Variants in LRRC7 observed in about 807,000 individuals in gnomAD.
The protein encoded by LRRC7 is leucine rich repeat containing 7.
LRRC7 carries 23 observed loss-of-function variants against 175.7 expected under a neutral mutation model. That is an observed-to-expected ratio of 0.13 (90% CI 0.09 to 0.19). LRRC7 has a LOEUF of 0.19. LRRC7 is among the 10% of genes least tolerant of loss of function. LRRC7 has a pLI of 1.00. For synonymous variants in LRRC7, 685 were observed against 680.9 expected (o/e 1.01, Z -0.09); for missense variants, 1,354 against 1,904.7 (o/e 0.71, Z 5.38).
chr1:69,704,012 C>T (rs527299694), intron 2 of LRRC7, among the ~76,000 whole-genome samples: 17 of 152,022 alleles, frequency 1.1e-4, no homozygotes, highest in African/African-American at 3.6e-4. Context: ...ATTTTTGTAA[C>T]AAAATTAATG....
chr1:69,718,160 G>GAAAGAAAGAAAGAAAGAAAGAAAGA, intron 2 of LRRC7, among the ~76,000 whole-genome samples: 4 of 148,942 alleles, frequency 2.7e-5, no homozygotes, highest in Non-Finnish European at 6.0e-5. Context: ...AAGAAAGAAA[G>GAAAGAAAGAAAGAAAGAAAGAAAGA]AAAGAAAGAA....
intron 2 of LRRC7, among the ~76,000 whole-genome samples, chr1:69,744,706 G>A (rs1669072402): frequency 6.6e-6 from 1 of 151,724 alleles, no homozygotes; most frequent in Non-Finnish European, 1.5e-5. Context: ...CTAAGGCTTA[G>A]TGCAAAATTT....
At chr1:69,835,454 A>T (rs1680995151) in intron 6 of LRRC7, among the ~76,000 whole-genome samples, 1 of 151,888 alleles carries the variant, frequency 6.6e-6, no homozygotes. Context: ...GGGAACACAT[A>T]AAAAAAGTCT....
chr1:69,859,792 G>A (rs569587428), intron 7 of LRRC7, among the ~76,000 whole-genome samples: 98 of 152,076 alleles, frequency 6.4e-4, no homozygotes, highest in African/African-American at 1.9e-3. Context: ...ATGACAGTAT[G>A]ATATGTTCAT....
intron 2 of LRRC7, among the ~76,000 whole-genome samples, chr1:69,744,472 T>C (rs1331892069): frequency 1.3e-5 from 2 of 151,898 alleles, no homozygotes; most frequent in Non-Finnish European, 2.9e-5. Flanking sequence ...TCTCCATCGA[T>C]GTTCATTTCT....
Position 70,036,551 on chromosome 1 carries a change from A to G in LRRC7, c.2215A>G (p.Asn739Asp), listed in dbSNP as rs761783275. The G allele has an allele frequency of 3.2e-5, 52 of 1,613,846 alleles. No individual in the cohort carries two copies. Among genetic ancestry groups the G allele is most frequent in the Non-Finnish European group, 4.2e-5 (49 of 1,179,870 alleles). Residue 739 changes from asparagine to aspartate, a missense_variant, in exon 20 of 27, where the codon AAT (asparagine) becomes GAT (aspartate). Physicochemically the swap from Asn to Asp is conservative, Grantham distance 23. Coordinates refer to ENST00000651989, the MANE Select transcript of LRRC7 (RefSeq NM_001370785.2). ...SPSQASSGSS[N>D]TRVKVGSLQT... The stretch of plus-strand genomic sequence containing the variant: ...TTCCCAGGCTTCCTCAGGATCCTCT[A>G]ATACCCGGGTTAAAGTGGGGTCCTT...
At chr1:69,761,971 G>A (rs1042982895) in intron 3 of LRRC7, among the ~76,000 whole-genome samples, 1 of 151,960 alleles carries the variant, frequency 6.6e-6, no homozygotes, top group Middle Eastern at 3.4e-3. Flanking sequence ...GGCCAATCTA[G>A]GATTGCCAGA....
intron 1 of LRRC7, among the ~76,000 whole-genome samples, chr1:69,574,708 C>T (rs557136374): frequency 6.6e-6 from 1 of 152,204 alleles, no homozygotes; most frequent in Non-Finnish European, 1.5e-5. Context: ...TTCATCATTG[C>T]AGTTCTTACC....
In LRRC7 at chr1:70,144,317, TAA is replaced by T. The variant is rs1274094604; in HGVS notation, c.*22433_*22434del. ...ATTTAAAAAAGTGTTTTGAATAACA[TAA>T]AAGTCTCCTTATTGTATAAATAATA... On this transcript the variant is annotated 3_prime_UTR_variant, in exon 27 of 27. Coordinates refer to ENST00000651989, the MANE Select transcript of LRRC7 (RefSeq NM_001370785.2). The T allele has an allele frequency of 6.6e-6, 1 of 152,174 alleles. No homozygotes were observed. The highest frequency in any genetic ancestry group is 2.4e-5 in the African/African-American group (1 of 41,458). 9.4% of individuals were successfully genotyped at this position (152,174 alleles called of 1,614,324 possible).
intron 4 of LRRC7, among the ~76,000 whole-genome samples, chr1:69,824,668 T>A (rs995897451): frequency 3.2e-4 from 49 of 152,246 alleles, no homozygotes; most frequent in African/African-American, 1.2e-3. Flanking sequence ...CCTGTGGACA[T>A]GGTATTCTAG....
At chr1:69,823,960 T>C (rs1679604323) in intron 4 of LRRC7, among the ~76,000 whole-genome samples, 1 of 152,202 alleles carries the variant, frequency 6.6e-6, no homozygotes, top group South Asian at 2.1e-4. Context: ...GCCAACAGAC[T>C]GTGCTCTGAA....
At chr1:70,000,234 A>T (rs1262906441) in intron 11 of LRRC7, among the ~76,000 whole-genome samples, 1 of 152,178 alleles carries the variant, frequency 6.6e-6, no homozygotes, top group Non-Finnish European at 1.5e-5. Flanking sequence ...CCAATAGTTG[A>T]CCACATATAC....
intron 1 of LRRC7, among the ~76,000 whole-genome samples, chr1:69,636,597 T>A (rs1237453441): frequency 6.6e-6 from 1 of 152,000 alleles, no homozygotes; most frequent in Non-Finnish European, 1.5e-5. Flanking sequence ...AATGGATTCA[T>A]TTATTTTGTT....
intron 7 of LRRC7, among the ~76,000 whole-genome samples, chr1:69,888,844 G>T (rs1645743914): frequency 6.6e-6 from 1 of 152,142 alleles, no homozygotes; most frequent in Non-Finnish European, 1.5e-5. Context: ...ACACACTGGA[G>T]ACCTAATGTA....
At chr1:70,023,624 T>TGCCA (rs1657760006) in intron 17 of LRRC7, among the ~76,000 whole-genome samples, 1 of 151,854 alleles carries the variant, frequency 6.6e-6, no homozygotes, top group Non-Finnish European at 1.5e-5. Context: ...GCATGGTTTT[T>TGCCA]GAGTTGGGTG....
intron 1 of LRRC7, among the ~76,000 whole-genome samples, chr1:69,647,290 T>G (rs139278163): frequency 1.2e-4 from 19 of 152,314 alleles, no homozygotes; most frequent in Non-Finnish European, 2.4e-4. Context: ...TTTAACTTTC[T>G]TTTTATAATG....
At chr1:69,582,345 G>A (rs1646232572) in intron 1 of LRRC7, among the ~76,000 whole-genome samples, 1 of 152,138 alleles carries the variant, frequency 6.6e-6, no homozygotes, top group Admixed American at 6.5e-5. Flanking sequence ...CTACAGACCT[G>A]TGGAACAGCA....
At chr1:69,619,510 A>G (rs1650220421) in intron 1 of LRRC7, among the ~76,000 whole-genome samples, 1 of 152,154 alleles carries the variant, frequency 6.6e-6, no homozygotes, top group South Asian at 2.1e-4. Flanking sequence ...TCTCAAGGAA[A>G]AGCTCTTGAA....
chr1:69,589,874 A>G (rs1269049903), intron 1 of LRRC7, among the ~76,000 whole-genome samples: 1 of 152,166 alleles, frequency 6.6e-6, no homozygotes, highest in African/African-American at 2.4e-5. Context: ...AGCTTGATAC[A>G]TAATGTCCAG....
Sources: gnomAD v4.1 joint callset for allele counts (sites outside exome capture counted in the v4.1 genomes callset) on GRCh38, gnomAD v4.1.1 for gene constraint, MANE v1.5 for transcripts, NCBI Gene and HGNC (gene_info 2026-07-23, HGNC 2026-07-21) for gene names.